The following AKR1C2 variants were observed in gnomAD, a reference collection of about 807,000 sequenced individuals.
AKR1C2 encodes aldo-keto reductase family 1 member C2, also known as 3-alpha-HSD3.
Under a neutral mutation model 39.8 loss-of-function variants are expected in AKR1C2, and 27 were observed. The observed-to-expected ratio is 0.68, with a 90% CI of 0.50 to 0.93. The LOEUF is 0.93. Ranked by LOEUF, AKR1C2 falls within the 40% of genes least tolerant of loss-of-function variation. AKR1C2 has a pLI of 0.00. For synonymous variants in AKR1C2, 114 were observed against 137.9 expected (o/e 0.83, Z 1.22); for missense variants, 263 against 365.1 (o/e 0.72, Z 2.28).
chr10:4,992,458 ACATT>A (rs1350602998), intron 7 of AKR1C2, among the ~76,000 whole-genome samples: 1 of 152,194 alleles, frequency 6.6e-6, no homozygotes, highest in Non-Finnish European at 1.5e-5. Context: ...TCTTTCTAAT[ACATT>A]CAATCAAATA....
intron 7 of AKR1C2, among the ~76,000 whole-genome samples, chr10:4,994,530 A>G (rs1836963052): frequency 6.6e-6 from 1 of 152,154 alleles, no homozygotes; most frequent in Non-Finnish European, 1.5e-5. Context: ...TAGACCTAAA[A>G]AGGCTTTGCA....
upstream of AKR1C2, among the ~76,000 whole-genome samples, chr10:5,004,429 G>A (rs1412745554): frequency 6.6e-6 from 1 of 151,912 alleles, no homozygotes; most frequent in East Asian, 1.9e-4. Flanking sequence ...TCCTGATCAA[G>A]GTGCAGTCCT....
rs1221713358 is a variant in AKR1C2 at position 4,989,558 on chromosome 10, T to G, written c.*438A>C. 5.9e-6 allele frequency: 1 copy of G among 170,462 alleles called. No individual in the cohort carries two copies. The highest frequency in any genetic ancestry group is 1.9e-4 in the East Asian group (1 of 5,230). 10.6% of individuals were successfully genotyped at this position (170,462 alleles called of 1,614,324 possible). On this transcript the variant is annotated 3_prime_UTR_variant, in exon 9 of 9. Coordinates refer to ENST00000380753, the MANE Select transcript of AKR1C2 (RefSeq NM_001393392.1). Reference sequence around the variant, plus strand: ...CCTCTAGACTCCATCCTGCGTGTGCTTCTTCCTACAAGAGCTAGAGAGGCA... The same window carrying G: ...CCTCTAGACTCCATCCTGCGTGTGCGTCTTCCTACAAGAGCTAGAGAGGCA...
intron 5 of AKR1C2, among the ~76,000 whole-genome samples, chr10:4,996,393 T>C (rs1355334168): frequency 6.8e-6 from 1 of 147,980 alleles, no homozygotes; most frequent in Non-Finnish European, 1.5e-5. Flanking sequence ...ATTTTCACAG[T>C]CTTTCATTAC....
At chr10:5,016,868 A>T (rs1330562306) in intron 1 of AKR1C2, among the ~76,000 whole-genome samples, 5 of 152,348 alleles carry the variant, frequency 3.3e-5, no homozygotes, top group Admixed American at 1.3e-4. Context: ...CCCAAGCCTC[A>T]TCTCTTAGTC....
At chr10:4,996,867 C>A (rs1332066639) in intron 5 of AKR1C2, among the ~76,000 whole-genome samples, 3 of 151,778 alleles carry the variant, frequency 2.0e-5, no homozygotes, top group Non-Finnish European at 4.4e-5. Context: ...TATGTAAAAA[C>A]CCCAAGGAAA....
At chr10:5,016,753 A>G (rs1837648151) in intron 1 of AKR1C2, among the ~76,000 whole-genome samples, 1 of 152,042 alleles carries the variant, frequency 6.6e-6, no homozygotes, top group Non-Finnish European at 1.5e-5. Context: ...TTCCCCCTCC[A>G]CACTGCCCTA....
upstream of AKR1C2, chr10:5,006,634 C>G (rs1837410874): frequency 6.6e-6 from 1 of 152,048 alleles, no homozygotes; most frequent in Admixed American, 6.6e-5. Flanking sequence ...CGAAGATAAA[C>G]ATGACTCATG....
upstream of AKR1C2, among the ~76,000 whole-genome samples, chr10:5,008,753 A>C (rs1417308618): frequency 6.6e-6 from 1 of 152,216 alleles, no homozygotes; most frequent in Non-Finnish European, 1.5e-5. Context: ...AATGATCCTA[A>C]TTTCTTCTCA....
At chr10:5,017,543 A>C (rs1349036743) in intron 1 of AKR1C2, among the ~76,000 whole-genome samples, 2 of 152,130 alleles carry the variant, frequency 1.3e-5, no homozygotes, top group African/African-American at 4.8e-5. Context: ...TCTCATCTCC[A>C]TCTGAGAACT....
At chr10:5,012,772 G>A (rs1837550393) in intron 1 of AKR1C2, among the ~76,000 whole-genome samples, 2 of 152,122 alleles carry the variant, frequency 1.3e-5, no homozygotes, top group South Asian at 4.1e-4. Context: ...AATAAGAAAT[G>A]AATTCAAACG....
chr10:5,005,641 C>T (rs1837388699), upstream of AKR1C2, among the ~76,000 whole-genome samples: 1 of 152,114 alleles, frequency 6.6e-6, no homozygotes, highest in African/African-American at 2.4e-5. Context: ...CGAGATGGCA[C>T]CACTGCACTC....
intron 1 of AKR1C2, among the ~76,000 whole-genome samples, chr10:5,003,001 T>C (rs1837317967): frequency 6.6e-6 from 1 of 152,210 alleles, no homozygotes; most frequent in African/African-American, 2.4e-5. Flanking sequence ...TTCACACACA[T>C]TGTATTCCCA....
chr10:5,015,346 T>C (rs1264382961), intron 1 of AKR1C2: 1 of 152,250 alleles, frequency 6.6e-6, no homozygotes, highest in East Asian at 1.9e-4. Flanking sequence ...ATATCATTTC[T>C]AACATTATTC....
chr10:5,017,576 C>G (rs1321660849), intron 1 of AKR1C2, among the ~76,000 whole-genome samples: 3 of 152,174 alleles, frequency 2.0e-5, no homozygotes, highest in Non-Finnish European at 4.4e-5. Flanking sequence ...CTTCATTGTT[C>G]ATATCCCTAT....
chr10:4,999,272 A>T lies in AKR1C2; in HGVS notation c.375T>A (p.Gly125=). The change falls in exon 4 of 9, where the codon GGT becomes GGA. Residue 125 remains glycine, a synonymous_variant. Transcript: ENST00000380753. ...LIHFPVSVKP[G]EEVIPKDENG... ...TTTCATCTTTTGGGATCACTTCCTC[A>T]CCTGGCTGAAGTAGAAGCAGTCAGT... 2 of 1,599,822 alleles carry T rather than the reference A, an allele frequency of 1.3e-6. No homozygotes were observed. The highest frequency in any genetic ancestry group is 1.1e-5 in the South Asian group (1 of 88,538).
Position 4,989,718 on chromosome 10 carries a change from T to G in AKR1C2, c.*278A>C. 2.0e-6 allele frequency: 1 copy of G among 505,910 alleles called. No individual in the cohort carries two copies. The highest frequency in any genetic ancestry group is 2.8e-5 in the South Asian group (1 of 35,254). The allele number at this position is 505,910 out of a possible 1,614,324, so 31.3% of individuals were successfully genotyped here. ...CTAAACGTATAGGCAAATCACAATT[T>G]GGGGGCACTAGTGTGTCAGAAGGAG... On this transcript the variant is annotated 3_prime_UTR_variant, in exon 9 of 9. Transcript: ENST00000380753.
Position 4,988,702 on chromosome 10 carries a change from G to A in AKR1C2, c.*1294C>T, listed in dbSNP as rs1836740254. ...AGAGTACGAATAGTGGAGAGTAAAT[G>A]TGTTAGAAAGTGTGCCCAGGTAAAA... is the stretch of plus-strand genomic sequence containing the variant. On this transcript the variant is annotated 3_prime_UTR_variant, in exon 9 of 9. Transcript: ENST00000380753. The A allele has an allele frequency of 6.6e-6, 1 of 151,926 alleles. No homozygotes were observed. The highest frequency in any genetic ancestry group is 1.5e-5 in the Non-Finnish European group (1 of 67,974). 9.4% of individuals were successfully genotyped at this position (151,926 alleles called of 1,614,324 possible). A position where few individuals can be genotyped will look rare whatever the true frequency, so the allele number is the denominator to read the frequency against.
At position 4,999,399 on chromosome 10, in the gene AKR1C2, G is replaced by A. The variant is rs1450774219; in HGVS notation, c.370-122C>T. 6.9e-6 allele frequency: 11 copies of A among 1,603,886 alleles called. No homozygotes were observed. In the African/African-American group the frequency reaches 1.5e-4, roughly 21 times the overall value. On this transcript the variant is annotated intron_variant, in intron 3 of 8. Coordinates refer to ENST00000380753, the MANE Select transcript of AKR1C2 (RefSeq NM_001393392.1). The stretch of plus-strand genomic sequence containing the variant: ...GGTAGGTGATGCAGCGCTCCAGAGA[G>A]TGGTATGTACAAAGTGTACTACATA...
Sources: gnomAD v4.1 joint callset for allele counts (sites outside exome capture counted in the v4.1 genomes callset) on GRCh38, gnomAD v4.1.1 for gene constraint, MANE v1.5 for transcripts, NCBI Gene and HGNC (gene_info 2026-07-23, HGNC 2026-07-21) for gene names.